C1orf105: variants seen among roughly 807,000 people sequenced by gnomAD.
C1orf105 encodes uncharacterized protein C1orf105.
C1orf105 carries 17 observed loss-of-function variants against 20.8 expected under a neutral mutation model. The ratio of observed to expected loss-of-function variants is 0.82; its 90% CI spans 0.56 to 1.23. The LOEUF is 1.23. Among genes scored for constraint, C1orf105 ranks in the 50% most tolerant of loss-of-function variants. The pLI, the probability that C1orf105 is intolerant of heterozygous loss-of-function variation, is 0.00. For missense variants in C1orf105, 219 were observed against 213.5 expected (o/e 1.03, Z -0.16); for synonymous variants, 72 against 72.1 (o/e 1.00, Z 0.01).
intron 3 of C1orf105, chr1:172,453,002 G>T: frequency 6.5e-7 from 1 of 1,549,884 alleles, no homozygotes; most frequent in Non-Finnish European, 8.7e-7. Context: ...TTTCAGGGCT[G>T]GGAAAGAAAG....
intron 1 of C1orf105, among the ~76,000 whole-genome samples, chr1:172,432,077 A>AGCAGCCGGGAAGCTCAAACTGGGTGGAG (rs1486925253): frequency 2.6e-5 from 4 of 152,196 alleles, no homozygotes; most frequent in Non-Finnish European, 5.9e-5. Flanking sequence ...AGGTAAACAA[A>AGCAGCCGGGAAGCTCAAACTGGGTGGAG]GCAGCCGGGA....
chr1:172,460,359 A>C (rs1013587373), intron 4 of C1orf105, among the ~76,000 whole-genome samples: 1 of 152,196 alleles, frequency 6.6e-6, no homozygotes. Context: ...ACCTGCTGAC[A>C]GTTATGGTTG....
intron 3 of C1orf105, among the ~76,000 whole-genome samples, chr1:172,455,467 T>C (rs1649136845): frequency 2.0e-5 from 3 of 152,246 alleles, no homozygotes; most frequent in African/African-American, 7.2e-5. Flanking sequence ...CTCTTCCCCA[T>C]ATTCTGCACT....
intron 4 of C1orf105, among the ~76,000 whole-genome samples, chr1:172,457,752 C>T (rs1467641838): frequency 6.6e-6 from 1 of 152,198 alleles, no homozygotes; most frequent in Non-Finnish European, 1.5e-5. Context: ...CTGACCTTTG[C>T]CCTTGTCCAG....
intron 1 of C1orf105, among the ~76,000 whole-genome samples, chr1:172,435,109 C>G (rs1230534483): frequency 6.6e-6 from 1 of 152,118 alleles, no homozygotes; most frequent in Non-Finnish European, 1.5e-5. Context: ...TAATTAATAG[C>G]CTACCAACCA....
chr1:172,444,921 T>C (rs1342987223), intron 1 of C1orf105, 152 bp from the exon 2 acceptor site: 2 of 527,768 alleles, frequency 3.8e-6, no homozygotes, highest in African/African-American at 3.9e-5. Context: ...TTATTTGCAC[T>C]TGGCTACTTT....
At chr1:172,460,310 C>T (rs1231498603) in intron 4 of C1orf105, among the ~76,000 whole-genome samples, 1 of 152,152 alleles carries the variant, frequency 6.6e-6, no homozygotes, top group Admixed American at 6.5e-5. Flanking sequence ...TCCTATGTAA[C>T]CTTGGGCTAG....
intron 4 of C1orf105, among the ~76,000 whole-genome samples, chr1:172,459,553 A>C (rs1384248974): frequency 6.6e-6 from 1 of 152,182 alleles, no homozygotes; most frequent in Non-Finnish European, 1.5e-5. Context: ...GGATAATAAC[A>C]AGTGTTGGCC....
Position 172,468,666 on chromosome 1 carries a change from C to T in C1orf105, c.*72C>T, listed in dbSNP as rs1650244410. 2 of 1,462,404 alleles carry T rather than the reference C, an allele frequency of 1.4e-6. No individual in the cohort carries two copies. Among genetic ancestry groups the T allele is most frequent in the Non-Finnish European group, 1.9e-6 (2 of 1,079,006 alleles). The allele number at this position is 1,462,404 out of a possible 1,614,324, so 90.6% of individuals were successfully genotyped here. A position where few individuals can be genotyped will look rare whatever the true frequency, so the allele number is the denominator to read the frequency against. On this transcript the variant is annotated 3_prime_UTR_variant, in exon 7 of 7. Coordinates refer to ENST00000367727, the MANE Select transcript of C1orf105 (RefSeq NM_139240.4). ...TCGCCAAGCCAATCTTTGACACTGG[C>T]ACCTTCTCCTCACAATTTTCTCTCT...
chr1:172,434,776 T>TA (rs1558127368), intron 1 of C1orf105, among the ~76,000 whole-genome samples: 2 of 148,874 alleles, frequency 1.3e-5, no homozygotes, highest in African/African-American at 5.0e-5. Context: ...GATAGAGACA[T>TA]AAAAAACCCT....
At chr1:172,431,780 C>T (rs1294250294) in intron 1 of C1orf105, among the ~76,000 whole-genome samples, 5 of 152,220 alleles carry the variant, frequency 3.3e-5, no homozygotes, top group Non-Finnish European at 7.3e-5. Context: ...CAAAGCAGGG[C>T]GGGGCATCGC....
In C1orf105 at chr1:172,468,574, G is replaced by C. The variant is rs754341512; in HGVS notation, c.532G>C (p.Gly178Arg). 25 of 1,613,592 alleles carry C rather than the reference G, an allele frequency of 1.5e-5. No individual in the cohort carries two copies. Among genetic ancestry groups the C allele is most frequent in the Non-Finnish European group, 1.9e-5 (23 of 1,179,664 alleles). Reference protein sequence around the residue: ...RSSLPRKEPIGKTTRQ With the variant: ...RSSLPRKEPIRKTTRQ ...TTCCTTGCCCAGAAAGGAACCAATA[G>C]GCAAGACAACGAGGCAGTGAGCGGT... Residue 178 changes from glycine to arginine, a missense_variant, in exon 7 of 7, where the codon GGC becomes CGC. Transcript: ENST00000367727.
intron 5 of C1orf105, among the ~76,000 whole-genome samples, chr1:172,462,690 T>A (rs574418481): frequency 3.3e-5 from 5 of 152,352 alleles, no homozygotes; most frequent in South Asian, 2.1e-4. Flanking sequence ...AAGCTTTTTT[T>A]AAATCAAGAT....
chr1:172,447,726 T>C (rs1448737738), intron 2 of C1orf105, among the ~76,000 whole-genome samples: 1 of 152,212 alleles, frequency 6.6e-6, no homozygotes, highest in Non-Finnish European at 1.5e-5. Flanking sequence ...TCTTCCCTCA[T>C]TAGAGAGGAG....
intron 1 of C1orf105, chr1:172,442,713 C>T: frequency 1.8e-6 from 2 of 1,114,006 alleles, no homozygotes; most frequent in Non-Finnish European, 2.6e-6. Flanking sequence ...GAAATGAGAC[C>T]TCCCTGGAAA....
At chr1:172,439,650 A>G (rs2072155494) in intron 1 of C1orf105, among the ~76,000 whole-genome samples, 1 of 152,206 alleles carries the variant, frequency 6.6e-6, no homozygotes. Context: ...CATCCCACCA[A>G]GAAACTATTC....
At chr1:172,421,094 T>C (rs1263291051) in intron 1 of C1orf105, among the ~76,000 whole-genome samples, 188 bp downstream of exon 1, 1 of 152,138 alleles carries the variant, frequency 6.6e-6, no homozygotes, top group African/African-American at 2.4e-5. Flanking sequence ...TTTTAATGGG[T>C]TTGGGGCATG....
At chr1:172,465,770 A>G in intron 6 of C1orf105, 1 of 425,594 alleles carries the variant, frequency 2.3e-6, no homozygotes, top group Non-Finnish European at 4.7e-6. Flanking sequence ...CTTTCACTCC[A>G]CCAGCTCCCT....
intron 1 of C1orf105, among the ~76,000 whole-genome samples, chr1:172,431,866 A>G (rs1038624420): frequency 7.2e-5 from 11 of 152,230 alleles, no homozygotes; most frequent in African/African-American, 2.4e-4. Flanking sequence ...TGCACCTGGA[A>G]AAACAGGACA....
Sources: allele counts gnomAD v4.1 joint callset (sites outside exome capture counted in the v4.1 genomes callset), GRCh38; gene constraint gnomAD v4.1.1; transcripts MANE v1.5; gene names NCBI Gene and HGNC (gene_info 2026-07-23, HGNC 2026-07-21).